QSER1: variants seen among roughly 807,000 people sequenced by gnomAD.
QSER1 encodes glutamine and serine rich 1.
In QSER1, 49 loss-of-function variants were observed where a neutral mutation model predicts 158.5. The ratio of observed to expected loss-of-function variants is 0.31; its 90% CI spans 0.25 to 0.39. The LOEUF (loss-of-function observed/expected upper bound fraction) is 0.39. QSER1 is among the 10% of genes least tolerant of loss of function. QSER1 has a pLI of 1.00. For missense variants in QSER1, 1,754 were observed against 2,010.3 expected, an observed-to-expected ratio of 0.87 and a Z score of 2.44; for synonymous variants, 650 against 715.5, an observed-to-expected ratio of 0.91 and a Z score of 1.46.
At chr11:32,908,414 A>T (rs1851721102) in intron 1 of QSER1, among the ~76,000 whole-genome samples, 1 of 152,132 alleles carries the variant, frequency 6.6e-6, no homozygotes, top group Non-Finnish European at 1.5e-5. Flanking sequence ...AAATGCCAAC[A>T]TCTGTCTCTT....
intron 8 of QSER1, among the ~76,000 whole-genome samples, chr11:32,962,583 C>A (rs561245643): frequency 6.6e-6 from 1 of 152,198 alleles, no homozygotes; most frequent in Admixed American, 6.5e-5. Flanking sequence ...GAATCCATTG[C>A]CAAATCCAAG....
At chr11:32,905,334 C>T (rs547936996) in intron 1 of QSER1, among the ~76,000 whole-genome samples, 1 of 152,174 alleles carries the variant, frequency 6.6e-6, no homozygotes, top group African/African-American at 2.4e-5. Context: ...GATGGCTTAA[C>T]GTTTTAAAAC....
chr11:32,953,554 G>A (rs1176745636), intron 4 of QSER1, among the ~76,000 whole-genome samples: 3 of 151,994 alleles, frequency 2.0e-5, no homozygotes, highest in African/African-American at 7.2e-5. Flanking sequence ...GGGACTACAG[G>A]TGTGAGCCAC....
At chr11:32,923,740 C>T (rs1174825893) in intron 1 of QSER1, among the ~76,000 whole-genome samples, 7 of 151,696 alleles carry the variant, frequency 4.6e-5, no homozygotes, top group African/African-American at 1.5e-4. Context: ...GAGGCCAAGG[C>T]GGGTGGATCA....
At chr11:32,964,737 TATACACACAC>T (rs1157736466) in intron 8 of QSER1, among the ~76,000 whole-genome samples, 4 of 113,026 alleles carry the variant, frequency 3.5e-5, no homozygotes, top group African/African-American at 1.0e-4. Flanking sequence ...TATATATATA[TATACACACAC>T]ACACACACAC....
intron 1 of QSER1, among the ~76,000 whole-genome samples, chr11:32,925,399 C>A (rs748290662): frequency 5.3e-5 from 8 of 152,070 alleles, no homozygotes; most frequent in Non-Finnish European, 1.5e-5. Flanking sequence ...CAGTGATACT[C>A]CACTGAACCC....
chr11:32,972,318 G>A (rs1484713908), intron 10 of QSER1, among the ~76,000 whole-genome samples: 2 of 152,008 alleles, frequency 1.3e-5, no homozygotes, highest in Non-Finnish European at 2.9e-5. Flanking sequence ...GTTAAATGTT[G>A]CCACAAGTAT....
At chr11:32,902,664 G>A (rs956927638) in intron 1 of QSER1, among the ~76,000 whole-genome samples, 1 of 152,208 alleles carries the variant, frequency 6.6e-6, no homozygotes, top group East Asian at 1.9e-4. Flanking sequence ...TGTGTATAGA[G>A]ACAATAGTGG....
chr11:32,923,703 C>T (rs1272274699), intron 1 of QSER1, among the ~76,000 whole-genome samples: 1 of 149,874 alleles, frequency 6.7e-6, no homozygotes, highest in Non-Finnish European at 1.5e-5. Flanking sequence ...GGCACGGTGG[C>T]TCACACCTGT....
At chr11:32,975,107 C>A in intron 11 of QSER1, 141 bp from the exon 12 acceptor site, 1 of 438,870 alleles carries the variant, frequency 2.3e-6, no homozygotes, top group Non-Finnish European at 4.0e-6. Flanking sequence ...ATAAGTCTCT[C>A]CATATTAACC....
chr11:32,937,672 G>A (rs769040904), intron 4 of QSER1, among the ~76,000 whole-genome samples: 1 of 152,122 alleles, frequency 6.6e-6, no homozygotes, highest in African/African-American at 2.4e-5. Flanking sequence ...AAAGCTGATT[G>A]TTACTTCTAT....
chr11:32,898,471 G>A (rs974576374), intron 1 of QSER1, among the ~76,000 whole-genome samples: 2 of 140,320 alleles, frequency 1.4e-5, no homozygotes, highest in Non-Finnish European at 3.1e-5. Flanking sequence ...GAGCGACAGA[G>A]TGAGAACCTG....
At chr11:32,912,473 C>T (rs1412694701) in intron 1 of QSER1, among the ~76,000 whole-genome samples, 1 of 152,084 alleles carries the variant, frequency 6.6e-6, no homozygotes, top group Admixed American at 6.6e-5. Flanking sequence ...GATAATGATT[C>T]TTTTGAACTT....
At chr11:32,945,292 G>T (rs564850451) in intron 4 of QSER1, among the ~76,000 whole-genome samples, 1 of 150,524 alleles carries the variant, frequency 6.6e-6, no homozygotes, top group African/African-American at 2.4e-5. Flanking sequence ...ATGTTAGCTG[G>T]TTATTTTGCT....
chr11:32,894,084 G>A (rs889979588), intron 1 of QSER1, among the ~76,000 whole-genome samples: 53 of 149,294 alleles, frequency 3.6e-4, no homozygotes, highest in Non-Finnish European at 6.2e-4. Context: ...GGCGGGGGTT[G>A]GGGTGGGGGT....
intron 3 of QSER1, among the ~76,000 whole-genome samples, 196 bp from the exon 4 acceptor site, chr11:32,931,547 T>TA (rs138124912): frequency 0.05 from 7,356 of 147,590 alleles, 386 homozygotes; most frequent in African/African-American, 0.13. Flanking sequence ...CCCTGTCTCT[T>TA]AAAAAAAAAA....
chr11:32,960,169 G>A (rs1239110518), intron 8 of QSER1, among the ~76,000 whole-genome samples: 1 of 152,152 alleles, frequency 6.6e-6, no homozygotes, highest in Non-Finnish European at 1.5e-5. Flanking sequence ...CTTGATCCCA[G>A]GAGTTCAAGA....
chr11:32,914,148 T>C (rs1318514968), intron 1 of QSER1, among the ~76,000 whole-genome samples: 1 of 152,224 alleles, frequency 6.6e-6, no homozygotes, highest in African/African-American at 2.4e-5. Flanking sequence ...TTTATTTCTA[T>C]TCGGATTTTA....
chr11:32,976,501 A>G lies in QSER1; in HGVS notation c.*27A>G, dbSNP rs1436895778. 6 of 1,609,648 alleles carry G rather than the reference A, an allele frequency of 3.7e-6. No individual in the cohort carries two copies. The Admixed American group carries it at 5.1e-5, about 14-fold the overall frequency. Reference sequence around the variant, plus strand: ...TTTTCCACAAAAATCCCATCTTTTTATAGCACTAATGAAATGGCAGATATG... The same window carrying G: ...TTTTCCACAAAAATCCCATCTTTTTGTAGCACTAATGAAATGGCAGATATG... On this transcript the variant is annotated 3_prime_UTR_variant, in exon 13 of 13. Transcript: ENST00000650167.
Sources: allele counts gnomAD v4.1 joint callset (sites outside exome capture counted in the v4.1 genomes callset), GRCh38; gene constraint gnomAD v4.1.1; transcripts MANE v1.5; gene names NCBI Gene and HGNC (gene_info 2026-07-23, HGNC 2026-07-21).